The following RFC1 variants were observed in gnomAD, a reference collection of about 807,000 sequenced individuals.
RFC1 encodes the protein replication factor C subunit 1, also known as A1 140 kDa subunit.
Under a neutral mutation model 137.4 loss-of-function variants are expected in RFC1, and 37 were observed. The observed-to-expected ratio is 0.27, with a 90% CI of 0.21 to 0.35. RFC1 has a LOEUF of 0.35. Ranked by LOEUF, RFC1 falls within the 10% of genes least tolerant of loss-of-function variation. The pLI is 1.00. For missense variants in RFC1, 1,205 were observed against 1,358.5 expected (o/e 0.89, Z 1.78); for synonymous variants, 429 against 455.7 (o/e 0.94, Z 0.75).
chr4:39,342,541 C>G, intron 3 of RFC1, 74 bp from the exon 4 acceptor site: 2 of 1,438,988 alleles, frequency 1.4e-6, no homozygotes, highest in South Asian at 1.2e-5. Context: ...AAAGTAGTCA[C>G]GGTGAACCAA....
intron 2 of RFC1, among the ~76,000 whole-genome samples, chr4:39,347,841 A>T (rs1427522894): frequency 6.6e-6 from 1 of 152,226 alleles, no homozygotes; most frequent in Admixed American, 6.5e-5. Context: ...GAAATGAGAA[A>T]GAGATTATTG....
At chr4:39,298,227 G>C (rs943395546) in intron 21 of RFC1, among the ~76,000 whole-genome samples, 8 of 149,132 alleles carry the variant, frequency 5.4e-5, no homozygotes, top group Admixed American at 1.4e-4. Context: ...AGGATCACTT[G>C]AGCCCAGGAG....
intron 4 of RFC1, chr4:39,341,464 AAAAATATGTTCAC>A: frequency 2.7e-6 from 1 of 369,150 alleles, no homozygotes; most frequent in South Asian, 2.0e-5. Flanking sequence ...AAATTTTCCA[AAAAATATGTTCAC>A]ATCACTTACT....
chr4:39,311,546 C>A lies in RFC1; in HGVS notation c.1387G>T (p.Ala463Ser). The change falls in exon 12 of 25, where the codon GCA becomes TCA. Residue 463 changes from alanine (A) to serine (S), a missense_variant. Physicochemically the swap from Ala to Ser is moderately conservative, Grantham distance 99. Around this residue, in one of 3 missense-constraint regions of RFC1, gnomAD observed 962 missense variants for 1,035.3 expected, o/e 0.93. Coordinates refer to ENST00000349703, the MANE Select transcript of RFC1 (RefSeq NM_002913.5). ...TCAATAATTTTTGTCCCCAAGGCTGCGGCCTGTTGATTAAAAATGTAAACC... is the reference window on the plus strand; with the variant it reads ...TCAATAATTTTTGTCCCCAAGGCTGAGGCCTGTTGATTAAAAATGTAAACC... ...DSGQSKSDKA[A>S]ALGTKIIDED... 2 of 1,612,632 alleles carry A rather than the reference C, an allele frequency of 1.2e-6. No individual in the cohort carries two copies. Among genetic ancestry groups the A allele is most frequent in the Non-Finnish European group, 1.7e-6 (2 of 1,179,054 alleles).
At chr4:39,310,197 C>G (rs568429142) in intron 12 of RFC1, among the ~76,000 whole-genome samples, 15 of 152,092 alleles carry the variant, frequency 9.9e-5, no homozygotes, top group Non-Finnish European at 1.8e-4. Flanking sequence ...TTCCACAAAA[C>G]TGACCAGTAC....
chr4:39,343,316 C>G (rs1389940536), intron 3 of RFC1, among the ~76,000 whole-genome samples: 1 of 152,206 alleles, frequency 6.6e-6, no homozygotes, highest in African/African-American at 2.4e-5. Flanking sequence ...AGCCACCACG[C>G]CTGGCCTAAT....
intron 1 of RFC1, among the ~76,000 whole-genome samples, chr4:39,361,860 C>A (rs1242273446): frequency 1.3e-5 from 2 of 152,082 alleles, no homozygotes; most frequent in Non-Finnish European, 2.9e-5. Flanking sequence ...CATGGTAAAA[C>A]CCCATCTCTA....
At chr4:39,311,287 G>A (rs1738947921) in intron 12 of RFC1, among the ~76,000 whole-genome samples, 158 bp downstream of exon 12, 1 of 152,180 alleles carries the variant, frequency 6.6e-6, no homozygotes, top group South Asian at 2.1e-4. Flanking sequence ...ACATCTTGAA[G>A]CAGAGTCTTC....
In RFC1 at chr4:39,347,539, C is replaced by T. The variant is rs1435396144; in HGVS notation, c.133-2063G>A. Among the ~76,000 whole-genome samples, 4 of 152,128 alleles carry T rather than the reference C, an allele frequency of 2.6e-5. No individual in the cohort carries two copies. The South Asian group carries it at 8.3e-4, about 32-fold the overall frequency. On this transcript the variant is annotated intron_variant, in intron 2 of 24. Transcript: ENST00000349703. Reference sequence around the variant, plus strand: ...GATTTTGGTACCAAGAAATGGGATACTACTATAAAACAAACAAACAAACAA... The same window carrying T: ...GATTTTGGTACCAAGAAATGGGATATTACTATAAAACAAACAAACAAACAA...
Position 39,360,551 on chromosome 4 carries a change from A to C in RFC1, c.3+5688T>G, listed in dbSNP as rs984974288. On this transcript the variant is annotated intron_variant, in intron 1 of 24. Transcript: ENST00000349703. ...AAATAAAATAAAATAAAATAAAATA[A>C]AATAAATACAATAAAATAAAATAAA... Among the ~76,000 whole-genome samples, 807 of 147,008 alleles carry C rather than the reference A, an allele frequency of 5.5e-3. 3 individuals are homozygous for C. Among genetic ancestry groups the C allele is most frequent in the African/African-American group, 0.019 (768 of 40,222 alleles).
Position 39,316,904 on chromosome 4 carries a change from A to C in RFC1, c.1203+11T>G. On this transcript the variant is annotated intron_variant, in intron 10 of 24. Coordinates refer to ENST00000349703, the MANE Select transcript of RFC1 (RefSeq NM_002913.5). ...CCCTCACAGAATGGCATGCCCTCTCAGTACTCTTACCTTTGGTATTTCTTT... is the reference window on the plus strand; with the variant it reads ...CCCTCACAGAATGGCATGCCCTCTCCGTACTCTTACCTTTGGTATTTCTTT... 6.3e-7 allele frequency: 1 copy of C among 1,576,242 alleles called. No homozygotes were observed. The highest frequency in any genetic ancestry group is 8.7e-7 in the Non-Finnish European group (1 of 1,145,678).
At chr4:39,297,007 T>A (rs1266273415) in intron 21 of RFC1, among the ~76,000 whole-genome samples, 2 of 151,538 alleles carry the variant, frequency 1.3e-5, no homozygotes, top group Non-Finnish European at 2.9e-5. Context: ...TGGCCAGTGA[T>A]GATTAGCATT....
rs141881709 is a variant in RFC1 at position 39,360,817 on chromosome 4, C to T, written c.3+5422G>A. ...ACACAGTTTTATGCAAAATAAGTACCGCAGTATGCTGCAGAGCGGTTGACA... is the reference window on the plus strand; with the variant it reads ...ACACAGTTTTATGCAAAATAAGTACTGCAGTATGCTGCAGAGCGGTTGACA... On this transcript the variant is annotated intron_variant, in intron 1 of 24. Coordinates refer to ENST00000349703, the MANE Select transcript of RFC1 (RefSeq NM_002913.5). 4.6e-5 allele frequency among the ~76,000 whole-genome samples: 7 copies of T among 152,154 alleles called. No individual in the cohort carries two copies. The East Asian group carries it at 1.4e-3, about 29-fold the overall frequency.
At chr4:39,327,038 C>T (rs1739807765) in intron 5 of RFC1, among the ~76,000 whole-genome samples, 1 of 152,134 alleles carries the variant, frequency 6.6e-6, no homozygotes, top group Admixed American at 6.6e-5. Context: ...GGCAGGCTTT[C>T]TTTAACTCAG....
Position 39,312,810 on chromosome 4 carries a change from C to T in RFC1, c.1325G>A (p.Ser442Asn), listed in dbSNP as rs768802365. The change falls in exon 11 of 25, where the codon AGC becomes AAC. Residue 442 changes from serine (S) to asparagine (N), a missense_variant. Coordinates refer to ENST00000349703, the MANE Select transcript of RFC1 (RefSeq NM_002913.5). ...RYGGKVTGNV[S>N]KKTNYLVMGR... is the part of the protein sequence containing the mutation. Reference sequence around the variant, plus strand: ...CATGACAAGATAATTTGTTTTCTTGCTGACATTTCCTGTTACTTTTCCCCC... The same window carrying T: ...CATGACAAGATAATTTGTTTTCTTGTTGACATTTCCTGTTACTTTTCCCCC... 1 of 1,613,992 alleles carries T rather than the reference C, an allele frequency of 6.2e-7. No homozygotes were observed. Among genetic ancestry groups the T allele is most frequent in the African/African-American group, 1.3e-5 (1 of 74,908 alleles).
intron 13 of RFC1, chr4:39,307,405 G>A (rs1222532697): frequency 6.5e-6 from 1 of 152,908 alleles, no homozygotes; most frequent in African/African-American, 2.4e-5. Flanking sequence ...AGGGACTAGA[G>A]TTCACCCGAA....
rs558751268 is a variant in RFC1, at chr4:39,299,909, G to A, written c.2808+112C>T. The A allele has an allele frequency of 2.0e-4, 139 of 694,122 alleles. 1 individual carries two copies. The highest frequency in any genetic ancestry group is 2.8e-4 in the Non-Finnish European group (114 of 408,896). The allele number at this position is 694,122 out of a possible 1,614,324, so 43.0% of individuals were successfully genotyped here. ...CAGCCCGGGCAACAGAGCGAGACTC[G>A]ATCTCAAAAATAAAGTAAACAAAAT... On this transcript the variant is annotated intron_variant, in intron 21 of 24. Transcript: ENST00000349703.
intron 1 of RFC1, 85 bp downstream of exon 1, chr4:39,366,154 C>T (rs1031453468): frequency 7.0e-7 from 1 of 1,435,882 alleles, no homozygotes; most frequent in Non-Finnish European, 9.4e-7. Context: ...CCTCCCCCAC[C>T]CTGCATACCA....
chr4:39,313,838 T>C (rs765594751), intron 10 of RFC1, among the ~76,000 whole-genome samples: 4 of 152,140 alleles, frequency 2.6e-5, no homozygotes, highest in Non-Finnish European at 2.9e-5. Context: ...AAAGGCAAGA[T>C]CGTATTATCT....
Sources: allele counts gnomAD v4.1 joint callset (sites outside exome capture counted in the v4.1 genomes callset), GRCh38; gene constraint gnomAD v4.1.1; regional missense constraint gnomAD v4.1.1; transcripts MANE v1.5; gene names NCBI Gene and HGNC (gene_info 2026-07-23, HGNC 2026-07-21).